Variants in GLIS3 observed in about 807,000 individuals in gnomAD.
The protein encoded by GLIS3 is GLIS family zinc finger 3.
A neutral mutation model predicts 78.6 loss-of-function variants in GLIS3; 53 were observed. That is an observed-to-expected ratio of 0.67 (90% CI 0.54 to 0.85). The LOEUF is 0.85. GLIS3 is among the 40% of genes least tolerant of loss of function. The pLI, the probability that GLIS3 is intolerant of heterozygous loss-of-function variation, is 0.00. For synonymous variants in GLIS3, 684 were observed against 509.9 expected (o/e 1.34, Z -4.60); for missense variants, 1,703 against 1,231.1 (o/e 1.38, Z -5.74).
Position 3,873,665 on chromosome 9 carries a change from T to C in GLIS3, c.2297+5762A>G, listed in dbSNP as rs186877671. Among the ~76,000 whole-genome samples the C allele has an allele frequency of 3.3e-5, 5 of 151,000 alleles. No homozygotes were observed. In the East Asian group the frequency reaches 9.7e-4, roughly 29 times the overall value. On this transcript the variant is annotated intron_variant, in intron 8 of 10. Coordinates refer to ENST00000381971, the MANE Select transcript of GLIS3 (RefSeq NM_001042413.2). ...AATTTGCACAAAAATAAAATAAAGA[T>C]AAAAAATAAAGAAAATAAAGTCAAA...
intron 2 of GLIS3, among the ~76,000 whole-genome samples, chr9:4,332,928 C>G (rs1431198187): frequency 1.3e-5 from 2 of 152,302 alleles, no homozygotes; most frequent in East Asian, 3.9e-4. Flanking sequence ...ATTATTGTGA[C>G]TAACAGGACT....
chr9:4,412,449 A>AGAC, the GLIS3 span, among the ~76,000 whole-genome samples: 1 of 152,168 alleles, frequency 6.6e-6, no homozygotes, highest in Non-Finnish European at 1.5e-5. Flanking sequence ...GTGTAACCTA[A>AGAC]GACACAAGTG....
chr9:4,058,459 A>C (rs927349816), intron 4 of GLIS3, among the ~76,000 whole-genome samples: 1 of 151,884 alleles, frequency 6.6e-6, no homozygotes, highest in South Asian at 2.1e-4. Flanking sequence ...TAAAAAAAAA[A>C]ACAGTTCCCA....
intron 2 of GLIS3, among the ~76,000 whole-genome samples, chr9:4,339,046 G>A (rs1817796973): frequency 1.3e-5 from 2 of 152,212 alleles, no homozygotes; most frequent in South Asian, 4.1e-4. Context: ...GTGAGTTCAT[G>A]AAGCAAAATA....
At chr9:3,869,100 G>A (rs1469200491) in intron 8 of GLIS3, among the ~76,000 whole-genome samples, 1 of 152,190 alleles carries the variant, frequency 6.6e-6, no homozygotes, top group African/African-American at 2.4e-5. Flanking sequence ...TCAGTGTCCA[G>A]CATACTGCCT....
At chr9:4,129,464 T>G (rs1029299662) in intron 2 of GLIS3, among the ~76,000 whole-genome samples, 3 of 152,066 alleles carry the variant, frequency 2.0e-5, no homozygotes, top group South Asian at 2.1e-4. Flanking sequence ...CCTTCATAAA[T>G]GGTTTAGCAC....
chr9:4,318,570 C>T (rs1355442814), intron 2 of GLIS3, among the ~76,000 whole-genome samples: 2 of 152,060 alleles, frequency 1.3e-5, no homozygotes, highest in African/African-American at 2.4e-5. Context: ...TTCAAAATAA[C>T]AACAATAAGT....
At chr9:4,306,267 G>GA (rs1554656357) in intron 4 of GLIS3, among the ~76,000 whole-genome samples, 10 of 151,440 alleles carry the variant, frequency 6.6e-5, no homozygotes, top group Non-Finnish European at 1.5e-4. Context: ...AGGCAGGGGG[G>GA]TCTCGCTATG....
chr9:4,439,320 A>G, the GLIS3 span, among the ~76,000 whole-genome samples: 1 of 152,234 alleles, frequency 6.6e-6, no homozygotes, highest in African/African-American at 2.4e-5. Flanking sequence ...TAGTATGTTC[A>G]CAGAGTTGTG....
the GLIS3 span, among the ~76,000 whole-genome samples, chr9:4,361,030 A>C: frequency 4.6e-5 from 7 of 152,206 alleles, no homozygotes; most frequent in Non-Finnish European, 1.0e-4. Context: ...AACAGGCCAC[A>C]CTTTGCAGCA....
chr9:4,053,065 A>C (rs1359616058), intron 4 of GLIS3, among the ~76,000 whole-genome samples: 1 of 152,178 alleles, frequency 6.6e-6, no homozygotes, highest in East Asian at 1.9e-4. Flanking sequence ...CTCCTGCCTC[A>C]GCCTCCTGAG....
At chr9:4,212,704 G>A (rs1415349071) in intron 2 of GLIS3, among the ~76,000 whole-genome samples, 1 of 152,212 alleles carries the variant, frequency 6.6e-6, no homozygotes, top group Non-Finnish European at 1.5e-5. Flanking sequence ...GGAAACAGCA[G>A]ATACAGAAGC....
At chr9:4,130,943 G>A (rs186718259) in intron 2 of GLIS3, among the ~76,000 whole-genome samples, 16 of 152,336 alleles carry the variant, frequency 1.1e-4, no homozygotes, top group Admixed American at 1.0e-3. Flanking sequence ...ACCCCACAAA[G>A]CCTCAGAAGC....
chr9:4,115,821 G>A (rs925850222), intron 4 of GLIS3, among the ~76,000 whole-genome samples: 1 of 152,068 alleles, frequency 6.6e-6, no homozygotes, highest in African/African-American at 2.4e-5. Flanking sequence ...TAAATGCTTT[G>A]TGGTCCTAGA....
intron 2 of GLIS3, among the ~76,000 whole-genome samples, chr9:4,218,168 CT>C (rs1821017611): frequency 6.6e-6 from 1 of 152,246 alleles, no homozygotes; most frequent in South Asian, 2.1e-4. Context: ...CTCCTTTCTG[CT>C]ACCACATCGT....
chr9:3,829,714 T>G (rs1301892166), intron 9 of GLIS3, among the ~76,000 whole-genome samples: 1 of 152,176 alleles, frequency 6.6e-6, no homozygotes, highest in East Asian at 1.9e-4. Flanking sequence ...TGTAATGTTT[T>G]TATTATGTGC....
chr9:3,922,296 T>G (rs2130735255), intron 6 of GLIS3, among the ~76,000 whole-genome samples: 1 of 152,260 alleles, frequency 6.6e-6, no homozygotes, highest in East Asian at 1.9e-4. Flanking sequence ...GGACCCATAA[T>G]ATGATTGCAT....
chr9:4,193,191 C>T (rs907353068), intron 2 of GLIS3, among the ~76,000 whole-genome samples: 5 of 152,192 alleles, frequency 3.3e-5, no homozygotes, highest in African/African-American at 1.2e-4. Context: ...TTTTGTATGG[C>T]CCTATGGGCT....
At chr9:4,288,817 C>T (rs147570835) in intron 1 of GLIS3, among the ~76,000 whole-genome samples, 3 of 151,960 alleles carry the variant, frequency 2.0e-5, no homozygotes, top group East Asian at 1.9e-4. Flanking sequence ...AATACCATAA[C>T]GAAAAAACCA....
Sources: allele counts gnomAD v4.1 joint callset (sites outside exome capture counted in the v4.1 genomes callset), GRCh38; gene constraint gnomAD v4.1.1; transcripts MANE v1.5; gene names NCBI Gene and HGNC (gene_info 2026-07-23, HGNC 2026-07-21).